CDC37L1: variants seen among roughly 807,000 people sequenced by gnomAD.
The protein encoded by CDC37L1 is hsp90 co-chaperone Cdc37-like 1.
CDC37L1 carries 32 observed loss-of-function variants against 45.9 expected under a neutral mutation model. The observed-to-expected ratio is 0.70, with a 90% CI of 0.53 to 0.94. The LOEUF (loss-of-function observed/expected upper bound fraction) is 0.94, where lower values mean the gene tolerates loss of function less well. Among genes scored for constraint, CDC37L1 ranks in the 40% least tolerant of loss-of-function variants. CDC37L1 has a pLI of 0.00. For synonymous variants in CDC37L1, 150 were observed against 133.0 expected, an observed-to-expected ratio of 1.13 and a Z score of -0.88; for missense variants, 434 against 405.7, an observed-to-expected ratio of 1.07 and a Z score of -0.60.
intron 3 of CDC37L1, among the ~76,000 whole-genome samples, chr9:4,689,580 A>G (rs895020461): frequency 6.6e-6 from 1 of 152,190 alleles, no homozygotes; most frequent in Non-Finnish European, 1.5e-5. Flanking sequence ...AAAGAAAGAA[A>G]AAAGACTGTG....
chr9:4,705,545 A>T (rs1408778930), intron 6 of CDC37L1, among the ~76,000 whole-genome samples: 1 of 152,172 alleles, frequency 6.6e-6, no homozygotes, highest in East Asian at 1.9e-4. Context: ...GGGAAACCAC[A>T]ATAGACCCTG....
chr9:4,690,134 G>A (rs758451369), intron 3 of CDC37L1, among the ~76,000 whole-genome samples: 11 of 152,200 alleles, frequency 7.2e-5, no homozygotes, highest in Non-Finnish European at 1.6e-4. Flanking sequence ...AGTGATGTTC[G>A]TGATGAGAAC....
chr9:4,691,219 G>A (rs908244727), intron 3 of CDC37L1, among the ~76,000 whole-genome samples: 22 of 152,162 alleles, frequency 1.4e-4, no homozygotes, highest in Admixed American at 5.9e-4. Context: ...AGGATGTGCA[G>A]GTTTGTTACA....
intron 3 of CDC37L1, among the ~76,000 whole-genome samples, chr9:4,692,275 T>G (rs1259356359): frequency 4.0e-5 from 6 of 151,814 alleles, no homozygotes; most frequent in Admixed American, 6.6e-5. Flanking sequence ...TTTTAATGTT[T>G]TTTTTTTTTT....
chr9:4,684,798 T>C (rs1411496372), intron 1 of CDC37L1, 79 bp from the exon 2 acceptor site: 1 of 1,049,250 alleles, frequency 9.5e-7, no homozygotes, highest in African/African-American at 1.6e-5. Flanking sequence ...CAGAAATCCT[T>C]TGAATTAAGA....
chr9:4,706,228 A>G lies in CDC37L1; in HGVS notation c.*116A>G. 1 of 531,408 alleles carries G rather than the reference A, an allele frequency of 1.9e-6. No individual in the cohort carries two copies. The allele number at this position is 531,408 out of a possible 1,614,324, so 32.9% of individuals were successfully genotyped here. ...TTATTTTTGTTCGGTTTTTGATGGG[A>G]GGGAAAGAGTACTGAAATGTTTTGT... On this transcript the variant is annotated 3_prime_UTR_variant, in exon 7 of 7. Coordinates refer to ENST00000381854, the MANE Select transcript of CDC37L1 (RefSeq NM_017913.4).
chr9:4,686,384 C>T (rs751352550), intron 2 of CDC37L1, among the ~76,000 whole-genome samples: 3 of 152,078 alleles, frequency 2.0e-5, no homozygotes, highest in Non-Finnish European at 4.4e-5. Context: ...TTTTCTCCCC[C>T]TCCACAATGG....
At chr9:4,685,999 T>TA (rs1554622144) in intron 2 of CDC37L1, among the ~76,000 whole-genome samples, 2 of 152,220 alleles carry the variant, frequency 1.3e-5, no homozygotes, top group Admixed American at 6.5e-5. Flanking sequence ...CCTGTCTCTA[T>TA]AAAAAATACG....
At chr9:4,684,571 T>C (rs1841229116) in intron 1 of CDC37L1, among the ~76,000 whole-genome samples, 1 of 152,198 alleles carries the variant, frequency 6.6e-6, no homozygotes. Context: ...ATTCTGCTTG[T>C]TCAGGATTAT....
chr9:4,688,498 A>G lies in CDC37L1; in HGVS notation c.415-15A>G. The G allele has an allele frequency of 7.7e-7, 1 of 1,307,146 alleles. No individual in the cohort carries two copies. The highest frequency in any genetic ancestry group is 1.0e-6 in the Non-Finnish European group (1 of 957,538). 81.0% of individuals were successfully genotyped at this position (1,307,146 alleles called of 1,614,324 possible). A position where few individuals can be genotyped will look rare whatever the true frequency, so the allele number is the denominator to read the frequency against. On this transcript the variant is annotated splice_polypyrimidine_tract_variant and intron_variant, in intron 2 of 6. Coordinates refer to ENST00000381854, the MANE Select transcript of CDC37L1 (RefSeq NM_017913.4). ...AATTTAAAATCTGATTTAAATTTCT[A>G]AAATTTTTTCTTAGAGTTTTATTAA...
Position 4,706,254 on chromosome 9 carries a change from A to G in CDC37L1, c.*142A>G. 2.1e-6 allele frequency: 1 copy of G among 467,634 alleles called. No individual in the cohort carries two copies. Among genetic ancestry groups the G allele is most frequent in the South Asian group, 4.5e-5 (1 of 21,982 alleles). The allele number at this position is 467,634 out of a possible 1,614,324, so 29.0% of individuals were successfully genotyped here. ...GGGAAAGAGTACTGAAATGTTTTGT[A>G]AATTTTTTTTAATGTGCTGCTAGGT... On this transcript the variant is annotated 3_prime_UTR_variant, in exon 7 of 7. Coordinates refer to ENST00000381854, the MANE Select transcript of CDC37L1 (RefSeq NM_017913.4).
intron 1 of CDC37L1, among the ~76,000 whole-genome samples, chr9:4,684,448 G>C (rs1044225592): frequency 1.3e-5 from 2 of 152,148 alleles, no homozygotes; most frequent in African/African-American, 2.4e-5. Context: ...ATTACTTCTA[G>C]ATAAAAGGAG....
Position 4,706,838 on chromosome 9 carries a change from TAAG to T in CDC37L1, c.*729_*731del, listed in dbSNP as rs1179771959. On this transcript the variant is annotated 3_prime_UTR_variant, in exon 7 of 7. Coordinates refer to ENST00000381854, the MANE Select transcript of CDC37L1 (RefSeq NM_017913.4). Reference sequence around the variant, plus strand: ...AGCTAATATAGATTTTCTTTTTAAATAAGAATAACTTCAAGCTCACTCTTTCTT... The same window carrying T: ...AGCTAATATAGATTTTCTTTTTAAATAATAACTTCAAGCTCACTCTTTCTT... The T allele has an allele frequency of 7.4e-6, 1 of 134,828 alleles. No individual in the cohort carries two copies. The highest frequency in any genetic ancestry group is 3.1e-5 in the African/African-American group (1 of 32,734). 8.4% of individuals were successfully genotyped at this position (134,828 alleles called of 1,614,324 possible).
At chr9:4,696,882 GC>G (rs1478526395) in intron 3 of CDC37L1, among the ~76,000 whole-genome samples, 1 of 152,186 alleles carries the variant, frequency 6.6e-6, no homozygotes, top group Admixed American at 6.5e-5. Flanking sequence ...AATTTTAGGA[GC>G]TATTTCCAGT....
In CDC37L1 at chr9:4,686,851, T is replaced by C. The variant is rs567587805; in HGVS notation, c.415-1662T>C. Among the ~76,000 whole-genome samples the C allele has an allele frequency of 4.6e-5, 7 of 152,352 alleles. 1 individual carries two copies. The South Asian group carries it at 1.4e-3, about 32-fold the overall frequency. On this transcript the variant is annotated intron_variant, in intron 2 of 6. Transcript: ENST00000381854. Reference sequence around the variant, plus strand: ...GGCTAGTCCGAATTGAGATGTGCTGTAAGTGTAAAATACACACCAGATTCC... The same window carrying C: ...GGCTAGTCCGAATTGAGATGTGCTGCAAGTGTAAAATACACACCAGATTCC...
chr9:4,705,326 T>C (rs971280548), intron 6 of CDC37L1, among the ~76,000 whole-genome samples: 10 of 152,200 alleles, frequency 6.6e-5, no homozygotes, highest in Non-Finnish European at 1.0e-4. Flanking sequence ...TATACCCTTA[T>C]TCATGGTGCT....
chr9:4,687,535 T>C (rs528868815), intron 2 of CDC37L1, among the ~76,000 whole-genome samples: 55 of 152,028 alleles, frequency 3.6e-4, no homozygotes, highest in African/African-American at 1.1e-3. Flanking sequence ...AAAAATTAGC[T>C]GGGTATGGTG....
chr9:4,701,538 T>C (rs568109097), intron 5 of CDC37L1, among the ~76,000 whole-genome samples: 1 of 152,370 alleles, frequency 6.6e-6, no homozygotes, highest in Non-Finnish European at 1.5e-5. Context: ...ATGACTATTT[T>C]GGATCCTGTT....
intron 2 of CDC37L1, chr9:4,685,375 T>G (rs1335118353): frequency 4.5e-6 from 2 of 443,806 alleles, no homozygotes; most frequent in Non-Finnish European, 4.1e-6. Context: ...CAGACTGAAA[T>G]ACATATTTAT....
Sources: gnomAD v4.1 joint callset for allele counts (sites outside exome capture counted in the v4.1 genomes callset) on GRCh38, gnomAD v4.1.1 for gene constraint, MANE v1.5 for transcripts, NCBI Gene and HGNC (gene_info 2026-07-23, HGNC 2026-07-21) for gene names.